Variants in USP20 observed in about 807,000 individuals in gnomAD.
The protein encoded by USP20 is ubiquitin specific peptidase 20, also known as ubiquitin carboxyl-terminal hydrolase 20.
Under a neutral mutation model 124.2 loss-of-function variants are expected in USP20, and 80 were observed. The ratio of observed to expected loss-of-function variants is 0.64; its 90% CI spans 0.54 to 0.78. The LOEUF (loss-of-function observed/expected upper bound fraction) is 0.78. Ranked by LOEUF, USP20 falls within the 30% of genes least tolerant of loss-of-function variation. The pLI is 0.00. For synonymous variants in USP20, 481 were observed against 512.3 expected (o/e 0.94, Z 0.83); for missense variants, 1,043 against 1,244.4 (o/e 0.84, Z 2.44).
intron 1 of USP20, among the ~76,000 whole-genome samples, chr9:129,837,637 TAA>T (rs2031941819): frequency 6.6e-6 from 1 of 152,170 alleles, no homozygotes; most frequent in Non-Finnish European, 1.5e-5. Context: ...GTAAAGTATG[TAA>T]AGTGTGTTAG....
intron 3 of USP20, among the ~76,000 whole-genome samples, chr9:129,853,138 T>TGCCCACCCTCCCCA: frequency 1.3e-5 from 2 of 152,088 alleles, no homozygotes; most frequent in African/African-American, 4.8e-5. Flanking sequence ...CTCACCCCTG[T>TGCCCACCCTCCCCA]GCCCACCCTC....
intron 9 of USP20, among the ~76,000 whole-genome samples, chr9:129,864,095 ACT>A (rs1249627567): frequency 1.0e-4 from 12 of 117,300 alleles, no homozygotes; most frequent in African/African-American, 2.9e-4. Context: ...ACAAAGCGAG[ACT>A]CTGTCTCAAA....
chr9:129,847,391 C>T (rs1429404105), intron 1 of USP20, among the ~76,000 whole-genome samples: 3 of 151,682 alleles, frequency 2.0e-5, no homozygotes, highest in African/African-American at 7.3e-5. Flanking sequence ...CAGCCTCCGC[C>T]TCCCAGGTTC....
chr9:129,853,908 G>GTCT (rs2033074625), intron 3 of USP20, among the ~76,000 whole-genome samples: 7 of 152,124 alleles, frequency 4.6e-5, no homozygotes, highest in Non-Finnish European at 1.0e-4. Flanking sequence ...GGGGTGCTCT[G>GTCT]GGGCTGTGTG....
At chr9:129,849,003 C>T (rs1226824968) in intron 1 of USP20, among the ~76,000 whole-genome samples, 3 of 152,270 alleles carry the variant, frequency 2.0e-5, no homozygotes, top group South Asian at 4.1e-4. Flanking sequence ...TGGATGAGCC[C>T]GGTTGTGCCT....
rs1489923721 is a variant in USP20 at position 129,846,241 on chromosome 9, ATATATATTTTTTTTTTT to A, written c.-128-3570_-128-3554del. Among the ~76,000 whole-genome samples the A allele has an allele frequency of 4.2e-4, 11 of 26,504 alleles. No individual in the cohort carries two copies. The East Asian group carries it at 8.4e-3, about 20-fold the overall frequency. 17.4% of individuals were successfully genotyped at this position (26,504 alleles called of 152,430 possible). A position where few individuals can be genotyped will look rare whatever the true frequency, so the allele number is the denominator to read the frequency against. ...ACTGCGCCCAGCCATATATATATAT[ATATATATTTTTTTTTTT>A]TTTTTTTTTTTTTTTGAGATAGGGT... On this transcript the variant is annotated intron_variant, in intron 1 of 25. Coordinates refer to ENST00000372429, the MANE Select transcript of USP20 (RefSeq NM_001110303.4).
intron 1 of USP20, among the ~76,000 whole-genome samples, chr9:129,847,329 G>T (rs1331577137): frequency 1.4e-5 from 2 of 140,784 alleles, no homozygotes; most frequent in Non-Finnish European, 3.0e-5. Context: ...TTTAGATGGA[G>T]TCTTGCTCTG....
chr9:129,861,918 G>A (rs888873091), intron 8 of USP20, among the ~76,000 whole-genome samples: 1 of 152,182 alleles, frequency 6.6e-6, no homozygotes, highest in Non-Finnish European at 1.5e-5. Context: ...GCAAGTGCAG[G>A]AAAAATGGCA....
At position 129,869,777 on chromosome 9, in the gene USP20, C is replaced by T. The variant is rs1291503400; in HGVS notation, c.1498C>T (p.Pro500Ser). 6.2e-7 allele frequency: 1 copy of T among 1,613,934 alleles called. No individual in the cohort carries two copies. Among genetic ancestry groups the T allele is most frequent in the African/African-American group, 1.3e-5 (1 of 74,950 alleles). The change falls in exon 14 of 26, where the codon CCA becomes TCA. Residue 500 changes from proline (P) to serine (S), a missense_variant. Pro to Ser is a moderately conservative substitution (Grantham distance 74). Transcript: ENST00000372429. ...CATCTACCAGAATGTGCCGGCCAAG[C>T]CAGGCGCCTGTGGGGACAGCTATGC... ...SAIYQNVPAK[P>S]GACGDSYAAQ...
At chr9:129,861,112 T>C in intron 7 of USP20, 79 bp downstream of exon 7, 1 of 1,338,354 alleles carries the variant, frequency 7.5e-7, no homozygotes, top group South Asian at 1.2e-5. Context: ...GCCAGAGTCT[T>C]GGTCTCTATT....
intron 16 of USP20, 80 bp downstream of exon 16, chr9:129,873,595 C>T (rs2034240001): frequency 9.9e-6 from 16 of 1,613,136 alleles, no homozygotes; most frequent in South Asian, 3.3e-5. Flanking sequence ...TGCAGAGAGC[C>T]CCCTATAATC....
rs2034562660 is a variant in USP20, at chr9:129,879,751, C to G, written c.2584+107C>G. The G allele has an allele frequency of 1.5e-6, 2 of 1,303,682 alleles. No individual in the cohort carries two copies. The highest frequency in any genetic ancestry group is 2.2e-6 in the Non-Finnish European group (2 of 920,078). 80.8% of individuals were successfully genotyped at this position (1,303,682 alleles called of 1,614,324 possible). A position where few individuals can be genotyped will look rare whatever the true frequency, so the allele number is the denominator to read the frequency against. ...GCCCCCTTACCACCTGTCTTAGAGT[C>G]AGGCTGAGACGTCCACCTGAGTCCA... On this transcript the variant is annotated intron_variant, in intron 24 of 25. Coordinates refer to ENST00000372429, the MANE Select transcript of USP20 (RefSeq NM_001110303.4). This position sits in a 1 kb window ranked among gnomAD's most constrained non-coding sequence, Gnocchi z 4.2.
chr9:129,851,446 T>C (rs944155611), intron 2 of USP20, among the ~76,000 whole-genome samples: 25 of 152,094 alleles, frequency 1.6e-4, no homozygotes, highest in Non-Finnish European at 7.4e-5. Context: ...AGTATGTCTG[T>C]AGTACAATCA....
rs1322988278 is a variant in USP20 at position 129,866,770 on chromosome 9, G to A, written c.691-1235G>A. On this transcript the variant is annotated intron_variant, in intron 10 of 25. Transcript: ENST00000372429. ...TCTTTTGTGCTTCTGCATGGATTGA[G>A]ATTTTGGCAAGGAACACATAGTACT... 4.6e-5 allele frequency among the ~76,000 whole-genome samples: 7 copies of A among 152,250 alleles called. No individual in the cohort carries two copies. The East Asian group carries it at 1.2e-3, about 25-fold the overall frequency.
At chr9:129,852,121 C>T (rs145292235) in intron 2 of USP20, among the ~76,000 whole-genome samples, 8 of 152,316 alleles carry the variant, frequency 5.3e-5, no homozygotes, top group Admixed American at 2.0e-4. Flanking sequence ...TCTACACTGC[C>T]GCCTTCTCTG....
At position 129,869,321 on chromosome 9, in the gene USP20, A is replaced by C; in HGVS notation, c.1288A>C (p.Ser430Arg). 6.2e-7 allele frequency: 1 copy of C among 1,613,548 alleles called. No individual in the cohort carries two copies. The highest frequency in any genetic ancestry group is 8.5e-7 in the Non-Finnish European group (1 of 1,179,962). The change falls in exon 13 of 26, where the codon AGT (serine) becomes CGT (arginine). Residue 430 changes from serine to arginine, a missense_variant. Coordinates refer to ENST00000372429, the MANE Select transcript of USP20 (RefSeq NM_001110303.4). ...SYVLKKAQVL[S>R]AGSRRRKEQR... The stretch of plus-strand genomic sequence containing the variant: ...TGCTGTGTCCCCAGCCCAGGTATTG[A>C]GTGCTGGCAGCCGGAGGCGGAAGGA...
At chr9:129,847,070 G>T (rs1324113798) in intron 1 of USP20, among the ~76,000 whole-genome samples, 1 of 152,118 alleles carries the variant, frequency 6.6e-6, no homozygotes, top group African/African-American at 2.4e-5. Context: ...TTGTCTTTTG[G>T]CTGTTGCACA....
intron 13 of USP20, 73 bp downstream of exon 13, chr9:129,869,498 G>A (rs1419046279): frequency 9.0e-6 from 14 of 1,549,388 alleles, no homozygotes; most frequent in Non-Finnish European, 1.2e-5. Flanking sequence ...CTGACTGGGT[G>A]CAGGGTGGGC....
Position 129,879,404 on chromosome 9 carries a change from G to T in USP20, c.2513-169G>T. On this transcript the variant is annotated intron_variant, in intron 23 of 25. Transcript: ENST00000372429. This position sits in a 1 kb window ranked among gnomAD's most constrained non-coding sequence, Gnocchi z 4.2. ...GTGTGTCCTGGAAATTCCCTCTGCT[G>T]GGTCCTCAGACTGCCACAGAGGAGC... 1.6e-6 allele frequency: 1 copy of T among 637,606 alleles called. No individual in the cohort carries two copies. Among genetic ancestry groups the T allele is most frequent in the East Asian group, 2.7e-5 (1 of 36,850 alleles). 39.5% of individuals were successfully genotyped at this position (637,606 alleles called of 1,614,324 possible).
Sources: allele counts gnomAD v4.1 joint callset (sites outside exome capture counted in the v4.1 genomes callset), GRCh38; gene constraint gnomAD v4.1.1; non-coding constraint Gnocchi (gnomAD v3.1); transcripts MANE v1.5; gene names NCBI Gene and HGNC (gene_info 2026-07-23, HGNC 2026-07-21).